The following UBE2E2 variants were observed in gnomAD, a reference collection of about 807,000 sequenced individuals.
The protein encoded by UBE2E2 is ubiquitin-conjugating enzyme E2 E2.
In UBE2E2, 6 loss-of-function variants were observed where a neutral mutation model predicts 24.7. The observed-to-expected ratio is 0.24, with a 90% CI of 0.13 to 0.48. The LOEUF (loss-of-function observed/expected upper bound fraction) is 0.48. Among genes scored for constraint, UBE2E2 ranks in the 20% least tolerant of loss-of-function variants. UBE2E2 has a pLI of 0.99. For missense variants in UBE2E2, 169 were observed against 245.0 expected (o/e 0.69, Z 2.07); for synonymous variants, 104 against 83.6 (o/e 1.24, Z -1.33).
chr3:23,246,237 T>TC, intron 3 of UBE2E2, among the ~76,000 whole-genome samples: 1 of 139,392 alleles, frequency 7.2e-6, no homozygotes, highest in East Asian at 2.1e-4. Flanking sequence ...TTTTTTTTTT[T>TC]CGAGATGGAG....
At chr3:23,486,058 C>A (rs991132263) in intron 3 of UBE2E2, among the ~76,000 whole-genome samples, 5 of 152,148 alleles carry the variant, frequency 3.3e-5, no homozygotes, top group East Asian at 1.9e-4. Flanking sequence ...TGGATTTGTT[C>A]CACCCACTCG....
At chr3:23,223,056 G>C (rs866186831) in intron 3 of UBE2E2, among the ~76,000 whole-genome samples, 28 of 116,466 alleles carry the variant, frequency 2.4e-4, no homozygotes, top group Admixed American at 1.1e-3. Context: ...GTCTCTCTCT[G>C]TCACTCAGGC....
chr3:23,219,955 GT>G (rs1346706357), intron 3 of UBE2E2, among the ~76,000 whole-genome samples: 1 of 152,108 alleles, frequency 6.6e-6, no homozygotes, highest in Non-Finnish European at 1.5e-5. Context: ...CTGTGTGTTT[GT>G]CAGGTTAGAT....
intron 3 of UBE2E2, among the ~76,000 whole-genome samples, chr3:23,307,989 A>G (rs898494581): frequency 6.6e-6 from 1 of 152,144 alleles, no homozygotes; most frequent in Admixed American, 6.6e-5. Context: ...ACCAAGTGGC[A>G]CCTTCTAGGG....
At chr3:23,384,108 A>G (rs2125354077) in intron 3 of UBE2E2, among the ~76,000 whole-genome samples, 1 of 152,086 alleles carries the variant, frequency 6.6e-6, no homozygotes, top group East Asian at 1.9e-4. Context: ...CAATCCTTCC[A>G]CCTTAGCCAC....
At chr3:23,394,224 C>G (rs1355968139) in intron 3 of UBE2E2, among the ~76,000 whole-genome samples, 1 of 152,132 alleles carries the variant, frequency 6.6e-6, no homozygotes, top group African/African-American at 2.4e-5. Flanking sequence ...AGTAATTTAC[C>G]TGGTTCTTTT....
chr3:23,442,928 T>C (rs1698338992), intron 3 of UBE2E2, among the ~76,000 whole-genome samples: 1 of 152,216 alleles, frequency 6.6e-6, no homozygotes, highest in Admixed American at 6.5e-5. Context: ...ATCAAATATC[T>C]ATATTAATAA....
chr3:23,266,699 CA>C (rs2125358539), intron 3 of UBE2E2, among the ~76,000 whole-genome samples: 1 of 152,226 alleles, frequency 6.6e-6, no homozygotes, highest in South Asian at 2.1e-4. Context: ...CCACACCAAG[CA>C]GACGTAATAG....
intron 3 of UBE2E2, among the ~76,000 whole-genome samples, chr3:23,412,432 C>A (rs188585228): frequency 7.1e-6 from 1 of 139,896 alleles, no homozygotes; most frequent in Admixed American, 6.9e-5. Context: ...GCGCTCTTTG[C>A]AGTTGATGTT....
chr3:23,536,013 A>G (rs967874999), intron 5 of UBE2E2, among the ~76,000 whole-genome samples: 1 of 152,218 alleles, frequency 6.6e-6, no homozygotes, highest in Non-Finnish European at 1.5e-5. Flanking sequence ...AAAGTTGAGA[A>G]TACCATTGGG....
chr3:23,532,814 T>C (rs1695154225), intron 5 of UBE2E2, 113 bp downstream of exon 5: 17 of 1,008,194 alleles, frequency 1.7e-5, no homozygotes, highest in Non-Finnish European at 2.3e-5. Context: ...TCTACTACTA[T>C]TATTGTTAAA....
At chr3:23,285,133 T>C (rs1698587720) in intron 3 of UBE2E2, among the ~76,000 whole-genome samples, 1 of 152,164 alleles carries the variant, frequency 6.6e-6, no homozygotes, top group African/African-American at 2.4e-5. Flanking sequence ...GACAAAAGTT[T>C]GTCTTTCTTT....
At chr3:23,436,201 C>T (rs57172051) in intron 3 of UBE2E2, among the ~76,000 whole-genome samples, 44,154 of 151,826 alleles carry the variant, frequency 0.29, 6,663 homozygotes, top group East Asian at 0.37. Context: ...TCAAGGCCTT[C>T]CCGATTTTAC....
At chr3:23,514,142 G>A (rs938441952) in intron 4 of UBE2E2, among the ~76,000 whole-genome samples, 1 of 152,152 alleles carries the variant, frequency 6.6e-6, no homozygotes, top group Non-Finnish European at 1.5e-5. Flanking sequence ...CAGTACATTT[G>A]ACTGGAACAT....
intron 3 of UBE2E2, among the ~76,000 whole-genome samples, chr3:23,334,208 G>T (rs1370861982): frequency 6.6e-6 from 1 of 152,052 alleles, no homozygotes; most frequent in African/African-American, 2.4e-5. Flanking sequence ...TAATAAAATA[G>T]TCTGTACTGA....
intron 3 of UBE2E2, among the ~76,000 whole-genome samples, chr3:23,263,583 A>G (rs1393082173): frequency 1.3e-5 from 2 of 152,166 alleles, no homozygotes; most frequent in African/African-American, 4.8e-5. Context: ...TTATTTTTCT[A>G]TAGTGGATGA....
At chr3:23,478,716 T>C (rs1280637698) in intron 3 of UBE2E2, among the ~76,000 whole-genome samples, 3 of 152,150 alleles carry the variant, frequency 2.0e-5, no homozygotes, top group Non-Finnish European at 4.4e-5. Context: ...TTACCTATTA[T>C]GTGCAGAGAG....
chr3:23,434,874 C>A (rs748801526), intron 3 of UBE2E2, among the ~76,000 whole-genome samples: 1 of 152,130 alleles, frequency 6.6e-6, no homozygotes, highest in Non-Finnish European at 1.5e-5. Context: ...AAAGCATTTG[C>A]GCACAGAATG....
At chr3:23,488,423 C>T (rs993913773) in intron 3 of UBE2E2, among the ~76,000 whole-genome samples, 8 of 152,268 alleles carry the variant, frequency 5.3e-5, no homozygotes, top group South Asian at 4.1e-4. Flanking sequence ...CATGTGTTCT[C>T]ATCGTTCAAC....
Sources: allele counts gnomAD v4.1 joint callset (sites outside exome capture counted in the v4.1 genomes callset), GRCh38; gene constraint gnomAD v4.1.1; transcripts MANE v1.5; gene names NCBI Gene and HGNC (gene_info 2026-07-23, HGNC 2026-07-21).